The following LMNA variants were observed in gnomAD, a reference collection of about 807,000 sequenced individuals.
The protein encoded by LMNA is lamin.
Under a neutral mutation model 70.4 loss-of-function variants are expected in LMNA, and 20 were observed. The ratio of observed to expected loss-of-function variants is 0.28; its 90% confidence interval spans 0.20 to 0.41. The LOEUF is 0.41. Ranked by LOEUF, LMNA falls within the 10% of genes least tolerant of loss-of-function variation. The pLI is 1.00. For synonymous variants in LMNA, 339 were observed against 372.8 expected (o/e 0.91, Z 1.04); for missense variants, 652 against 917.2 (o/e 0.71, Z 3.73).
intron 2 of LMNA, among the ~76,000 whole-genome samples, chr1:156,085,825 G>A (rs1296601494): frequency 6.6e-6 from 1 of 152,314 alleles, no homozygotes. Context: ...GGAGGCCAAG[G>A]TGGGTGAATC....
At chr1:156,126,699 C>T (rs1029921051) in intron 1 of LMNA, 1 of 1,535,796 alleles carries the variant, frequency 6.5e-7, no homozygotes, top group Non-Finnish European at 8.8e-7. Context: ...TCTCTGTTCC[C>T]CTCCCCACCC....
intron 2 of LMNA, among the ~76,000 whole-genome samples, chr1:156,088,007 G>T (rs1483529939): frequency 2.6e-5 from 4 of 151,914 alleles, no homozygotes; most frequent in Non-Finnish European, 5.9e-5. Flanking sequence ...GAGTAGCTGG[G>T]ACTACAGGCG....
rs766624427 is a variant in LMNA, at chr1:156,114,932, C to T, written c.14C>T (p.Ser5Phe). The T allele has an allele frequency of 2.6e-6, 4 of 1,560,166 alleles. No individual in the cohort carries two copies. In the South Asian group the frequency reaches 4.7e-5, roughly 18 times the overall value. ...AACCTGCCGGCCATGGAGACCCCGT[C>T]CCAGCGGCGCGCCACCCGCAGCGGG... METP[S>F]QRRATRSGAQ... Residue 5 changes from serine (S) to phenylalanine (F), a missense_variant, in exon 1 of 12, where the codon TCC becomes TTC. Around this residue, in one of 4 missense-constraint regions of LMNA, gnomAD observed 254 missense variants for 421.9 expected, o/e 0.60. Transcript: ENST00000368300.
At chr1:156,126,749 G>T in intron 1 of LMNA, 1 of 1,572,564 alleles carries the variant, frequency 6.4e-7, no homozygotes, top group South Asian at 1.2e-5. Flanking sequence ...TGCCAGTGAT[G>T]GGAAGAGTTA....
Position 156,138,363 on chromosome 1 carries a change from C to A in LMNA, c.1699-125C>A. The A allele has an allele frequency of 8.9e-7, 1 of 1,123,536 alleles. No individual in the cohort carries two copies. Among genetic ancestry groups the A allele is most frequent in the Admixed American group, 2.3e-5 (1 of 42,646 alleles). 69.6% of individuals were successfully genotyped at this position (1,123,536 alleles called of 1,614,324 possible). On this transcript the variant is annotated intron_variant, in intron 10 of 11. Coordinates refer to ENST00000368300, the MANE Select transcript of LMNA (RefSeq NM_170707.4). This position sits in a 1 kb window ranked among gnomAD's most constrained non-coding sequence, Gnocchi z 5.5. Reference sequence around the variant, plus strand: ...CCCAAACCCCCATTGCCCGCTGGCTCCTTGGGCACAGAACCACACCTTCCT... The same window carrying A: ...CCCAAACCCCCATTGCCCGCTGGCTACTTGGGCACAGAACCACACCTTCCT...
chr1:156,133,577 A>C (rs941704553), intron 2 of LMNA, among the ~76,000 whole-genome samples: 2 of 152,010 alleles, frequency 1.3e-5, no homozygotes, highest in Non-Finnish European at 2.9e-5. Context: ...TCTCAAAAAA[A>C]AAATAAAAAT....
Position 156,135,992 on chromosome 1 carries a change from G to A in LMNA, c.1028G>A (p.Arg343Gln), listed in dbSNP as rs61177390. The A allele has an allele frequency of 2.9e-5, 47 of 1,614,048 alleles. No individual in the cohort carries two copies. Among genetic ancestry groups the A allele is most frequent in the South Asian group, 3.3e-5 (3 of 91,090 alleles). Residue 343 changes from arginine to glutamine, a missense_variant, in exon 6 of 12, where the codon CGG becomes CAG. Arg to Gln is a conservative substitution (Grantham distance 43). Transcript: ENST00000368300. This position sits in a 1 kb window ranked among gnomAD's most constrained non-coding sequence, Gnocchi z 4.8. ...CGGCGGCTGCTGGCGGAAAAGGAGC[G>A]GGAGATGGCCGAGATGCGGGCAAGG... ...TSRRLLAEKEREMAEMRARMQ... is the reference protein window; with the variant it reads ...TSRRLLAEKEQEMAEMRARMQ...
chr1:156,092,675 A>G (rs1277891177), intron 3 of LMNA, among the ~76,000 whole-genome samples: 8 of 149,418 alleles, frequency 5.4e-5, no homozygotes, highest in Admixed American at 4.7e-4. Context: ...GCGAGACTCC[A>G]TCTCAAAAAA....
At chr1:156,099,867 CAAAA>C (rs57524097) in intron 3 of LMNA, among the ~76,000 whole-genome samples, 122 of 100,234 alleles carry the variant, frequency 1.2e-3, no homozygotes, top group African/African-American at 3.6e-3. Flanking sequence ...GCCTGGGTGA[CAAAA>C]AAAAAAAAAA....
At chr1:156,113,574 C>T (rs1649621120), upstream of LMNA, among the ~76,000 whole-genome samples, 2 of 152,150 alleles carry the variant, frequency 1.3e-5, no homozygotes, top group South Asian at 4.1e-4. Context: ...TGGTGCTGGC[C>T]TTTGCAGCCA....
chr1:156,106,134 CAAA>C (rs55841698), intron 3 of LMNA, among the ~76,000 whole-genome samples: 1 of 135,708 alleles, frequency 7.4e-6, no homozygotes, highest in Non-Finnish European at 1.6e-5. Flanking sequence ...GACTCCGTCT[CAAA>C]AAAAAAAAAA....
rs2485664 is a variant in LMNA at position 156,135,546 on chromosome 1, C to T, written c.936+234C>T. 0.11 allele frequency: 68,143 copies of T among 624,634 alleles called. 7,458 individuals carry two copies. The highest frequency in any genetic ancestry group is 0.44 in the African/African-American group (24,065 of 54,424). 38.7% of individuals were successfully genotyped at this position (624,634 alleles called of 1,614,324 possible). On this transcript the variant is annotated intron_variant, in intron 5 of 11. Transcript: ENST00000368300. This position sits in a 1 kb window ranked among gnomAD's most constrained non-coding sequence, Gnocchi z 4.8. ...TTCTCAGGGCTTTGGTTTTCCCATT[C>T]GAAAATGGAGGCTGTTCTTAATCTC...
chr1:156,083,919 T>C (rs146973234), intron 2 of LMNA, among the ~76,000 whole-genome samples: 2 of 152,240 alleles, frequency 1.3e-5, no homozygotes, highest in Non-Finnish European at 2.9e-5. Context: ...AGGTGGAGTG[T>C]AATGCAATTT....
intron 2 of LMNA, among the ~76,000 whole-genome samples, chr1:156,088,885 C>T (rs1054222579): frequency 2.0e-5 from 3 of 152,208 alleles, no homozygotes; most frequent in African/African-American, 4.8e-5. Context: ...ATCTCCTGAC[C>T]TCATGATCCA....
chr1:156,128,103 A>G (rs1214671437), intron 1 of LMNA, among the ~76,000 whole-genome samples: 2 of 152,124 alleles, frequency 1.3e-5, no homozygotes, highest in Admixed American at 1.3e-4. Flanking sequence ...TTCTGTGCCT[A>G]TTTCCTCAAT....
At chr1:156,093,911 C>G (rs1311296204) in intron 3 of LMNA, 1 of 152,530 alleles carries the variant, frequency 6.6e-6, no homozygotes, top group African/African-American at 2.4e-5. Context: ...ACCTTTCACT[C>G]CCACATCCAG....
chr1:156,135,667 T>C lies in LMNA; in HGVS notation c.937-234T>C. 2 of 601,266 alleles carry C rather than the reference T, an allele frequency of 3.3e-6. No individual in the cohort carries two copies. Among genetic ancestry groups the C allele is most frequent in the Non-Finnish European group, 5.9e-6 (2 of 339,766 alleles). 37.2% of individuals were successfully genotyped at this position (601,266 alleles called of 1,614,324 possible). ...GTGCTATTTGTGACAGGAGAAAAAGTCTAGCCTCAGAACGAGAGGTTTCAG... is the reference window on the plus strand; with the variant it reads ...GTGCTATTTGTGACAGGAGAAAAAGCCTAGCCTCAGAACGAGAGGTTTCAG... On this transcript the variant is annotated intron_variant, in intron 5 of 11. Coordinates refer to ENST00000368300, the MANE Select transcript of LMNA (RefSeq NM_170707.4). The surrounding 1 kb of genome is among the most constrained non-coding windows in gnomAD (Gnocchi z 4.8).
rs1012534314 is a variant in LMNA at position 156,138,901 on chromosome 1, T to C, written c.1968+144T>C. ...GGGAGCCTCCTCCCCACAGCCTGAG[T>C]CCTAGACAGCCCACCTCTGCATCCT... is the stretch of plus-strand genomic sequence containing the variant. On this transcript the variant is annotated intron_variant, in intron 11 of 11. Coordinates refer to ENST00000368300, the MANE Select transcript of LMNA (RefSeq NM_170707.4). The surrounding 1 kb of genome is among the most constrained non-coding windows in gnomAD (Gnocchi z 5.5). 1 of 1,324,284 alleles carries C rather than the reference T, an allele frequency of 7.6e-7. No individual in the cohort carries two copies. Among genetic ancestry groups the C allele is most frequent in the Non-Finnish European group, 1.1e-6 (1 of 934,362 alleles). 82.0% of individuals were successfully genotyped at this position (1,324,284 alleles called of 1,614,324 possible).
At position 156,138,045 on chromosome 1, in the gene LMNA, A is replaced by ACCC. The variant is rs1408505182; in HGVS notation, c.1698+303_1698+304insCCC. The stretch of plus-strand genomic sequence containing the variant: ...TTCTGGGAAAGGGAGGGGAGGACAG[A>ACCC]CGTGGGGCATGCCCGCCCTGCCTCT... On this transcript the variant is annotated intron_variant, in intron 10 of 11. Coordinates refer to ENST00000368300, the MANE Select transcript of LMNA (RefSeq NM_170707.4). The surrounding 1 kb of genome is among the most constrained non-coding windows in gnomAD (Gnocchi z 5.5). The ACCC allele has an allele frequency of 4.5e-5, 26 of 573,422 alleles. No homozygotes were observed. The highest frequency in any genetic ancestry group is 8.0e-5 in the Non-Finnish European group (26 of 326,142). The allele number at this position is 573,422 out of a possible 1,614,324, so 35.5% of individuals were successfully genotyped here.
Sources: gnomAD v4.1 joint callset for allele counts (sites outside exome capture counted in the v4.1 genomes callset) on GRCh38, gnomAD v4.1.1 for gene constraint, gnomAD v4.1.1 regional missense constraint, Gnocchi (gnomAD v3.1) non-coding constraint, MANE v1.5 for transcripts, NCBI Gene and HGNC (gene_info 2026-07-23, HGNC 2026-07-21) for gene names.